CNTN6: variants seen among roughly 807,000 people sequenced by gnomAD.
CNTN6 encodes the protein contactin 6, also known as contactin-6.
Under a neutral mutation model 122.8 loss-of-function variants are expected in CNTN6, and 137 were observed. That is an observed-to-expected ratio of 1.12 (90% CI 0.97 to 1.29). CNTN6 has a LOEUF of 1.29. Ranked by LOEUF, CNTN6 falls within the 50% of genes most tolerant of loss-of-function variation. The pLI, the probability that CNTN6 is intolerant of heterozygous loss-of-function variation, is 0.00. For synonymous variants in CNTN6, 570 were observed against 426.0 expected (o/e 1.34, Z -4.16); for missense variants, 1,634 against 1,223.4 (o/e 1.34, Z -5.01).
At chr3:1,384,471 CTATGAAGAA>C (rs2126186784) in intron 19 of CNTN6, among the ~76,000 whole-genome samples, 1 of 142,346 alleles carries the variant, frequency 7.0e-6, no homozygotes, top group African/African-American at 3.1e-5. Flanking sequence ...TATTTTTAGT[CTATGAAGAA>C]TAAGGCAAAT....
rs73819704 is a variant in CNTN6 at position 1,325,108 on chromosome 3, A to T, written c.947-707A>T. Among the ~76,000 whole-genome samples, 932 of 151,906 alleles carry T rather than the reference A, an allele frequency of 6.1e-3. 8 individuals are homozygous for T. The highest frequency in any genetic ancestry group is 0.021 in the African/African-American group (884 of 41,460). On this transcript the variant is annotated intron_variant, in intron 8 of 22. Coordinates refer to ENST00000446702, the MANE Select transcript of CNTN6 (RefSeq NM_001289080.2). ...ATTTCCAACCCGCCTGTTTCCATGA[A>T]TGATGGTAAAAATAATACAATCTTA...
chr3:1,317,606 G>A (rs773217687), intron 7 of CNTN6, among the ~76,000 whole-genome samples: 10 of 151,600 alleles, frequency 6.6e-5, no homozygotes, highest in Non-Finnish European at 1.3e-4. Context: ...GAAAATTATT[G>A]ACTAGAATCT....
rs370568544 is a variant in CNTN6, at chr3:1,295,625, A to G, written c.479A>G (p.Asn160Ser). The change falls in exon 6 of 23, where the codon AAT (asparagine) becomes AGT (serine). Residue 160 changes from asparagine to serine, a missense_variant. Asn to Ser is a conservative substitution (Grantham distance 46, BLOSUM62 1). Transcript: ENST00000446702. The stretch of plus-strand genomic sequence containing the variant: ...GATTTATCTTATGCATGGACCTTCA[A>G]TGATAACCCCTTATACGTCCAAGAG... ...FGDLSYAWTF[N>S]DNPLYVQEDN... The G allele has an allele frequency of 1.7e-5, 27 of 1,613,712 alleles. No homozygotes were observed. Among genetic ancestry groups the G allele is most frequent in the African/African-American group, 2.7e-5 (2 of 74,924 alleles).
chr3:1,112,608 C>T (rs539227351), intron 1 of CNTN6, among the ~76,000 whole-genome samples: 1 of 152,232 alleles, frequency 6.6e-6, no homozygotes, highest in Admixed American at 6.5e-5. Flanking sequence ...ATTGTGCCCA[C>T]CCACTTTGAG....
intron 4 of CNTN6, among the ~76,000 whole-genome samples, chr3:1,276,953 A>G (rs3852025): frequency 0.11 from 16,810 of 152,146 alleles, 1,025 homozygotes; most frequent in Non-Finnish European, 0.14. Flanking sequence ...CAATTTGGCA[A>G]TTTAGGTGGG....
At position 1,219,945 on chromosome 3, in the gene CNTN6, T is replaced by C. The variant is rs191753575; in HGVS notation, c.56-742T>C. 1.8e-4 allele frequency among the ~76,000 whole-genome samples: 27 copies of C among 152,056 alleles called. No individual in the cohort carries two copies. In the East Asian group the frequency reaches 4.8e-3, roughly 27 times the overall value. On this transcript the variant is annotated intron_variant, in intron 2 of 22. Transcript: ENST00000446702. ...TGAGCCCAGGAGGTTGAGGCTGCAG[T>C]GAGCTGTGATTGTGCCACTGCAATT...
chr3:1,263,710 C>CT (rs1278369301), intron 4 of CNTN6, among the ~76,000 whole-genome samples: 1 of 151,982 alleles, frequency 6.6e-6, no homozygotes, highest in Non-Finnish European at 1.5e-5. Context: ...TGAATACCTG[C>CT]TTTTTGCAAA....
rs556644631 is a variant in CNTN6, at chr3:1,369,872, A to G, written c.1493-2427A>G. Among the ~76,000 whole-genome samples the G allele has an allele frequency of 2.2e-3, 327 of 151,072 alleles. 2 individuals carry two copies. Among genetic ancestry groups the G allele is most frequent in the African/African-American group, 7.6e-3 (312 of 41,176 alleles). On this transcript the variant is annotated intron_variant, in intron 12 of 22. Transcript: ENST00000446702. ...TTTTTTTTTTTTAAGGTTCAATCAC[A>G]CTTTATTCATTTATGTTTTTAAGTT...
At chr3:1,197,242 C>T (rs928828739) in intron 2 of CNTN6, among the ~76,000 whole-genome samples, 1 of 152,158 alleles carries the variant, frequency 6.6e-6, no homozygotes, top group Non-Finnish European at 1.5e-5. Flanking sequence ...AAGCAAGGTC[C>T]TGGTTTCTGA....
intron 1 of CNTN6, among the ~76,000 whole-genome samples, chr3:1,110,699 T>A (rs957454031): frequency 6.6e-6 from 1 of 151,926 alleles, no homozygotes; most frequent in Non-Finnish European, 1.5e-5. Flanking sequence ...AAAAAAAATA[T>A]GAGGAGCAGG....
At chr3:1,245,530 TGGG>T (rs1256859223) in intron 4 of CNTN6, among the ~76,000 whole-genome samples, 3 of 148,972 alleles carry the variant, frequency 2.0e-5, no homozygotes, top group African/African-American at 4.9e-5. Flanking sequence ...TTTTGGGGAT[TGGG>T]GGAAAGGGTG....
intron 2 of CNTN6, among the ~76,000 whole-genome samples, chr3:1,159,648 A>G (rs1180417674): frequency 2.0e-5 from 3 of 151,918 alleles, no homozygotes; most frequent in African/African-American, 7.2e-5. Flanking sequence ...ATACCTTAAT[A>G]TATTTATCTA....
At chr3:1,323,889 A>ATGGCACCTCCAGGCAGTTTCCAGTC (rs1701189775) in intron 8 of CNTN6, among the ~76,000 whole-genome samples, 2 of 150,658 alleles carry the variant, frequency 1.3e-5, no homozygotes, top group Admixed American at 6.6e-5. Flanking sequence ...CACGTTGAAT[A>ATGGCACCTCCAGGCAGTTTCCAGTC]AATAAATGTG....
At chr3:1,284,985 A>C (rs1051902566) in intron 5 of CNTN6, among the ~76,000 whole-genome samples, 1 of 152,192 alleles carries the variant, frequency 6.6e-6, no homozygotes, top group African/African-American at 2.4e-5. Context: ...TCCTGGGAGT[A>C]AGATGAAAAT....
chr3:1,156,508 T>C (rs1194430891), intron 2 of CNTN6, among the ~76,000 whole-genome samples: 1 of 152,234 alleles, frequency 6.6e-6, no homozygotes, highest in African/African-American at 2.4e-5. Context: ...AACTAGTGCA[T>C]TCGAGTTTAT....
Position 1,304,289 on chromosome 3 carries a change from T to A in CNTN6, c.761+6298T>A, listed in dbSNP as rs979980167. On this transcript the variant is annotated intron_variant, in intron 7 of 22. Transcript: ENST00000446702. ...TGTTCAAGTTCCAGAAAGAGGTTTT[T>A]TTTTTCCATATATTTGTCTAGTTTT... Among the ~76,000 whole-genome samples, 8 of 109,538 alleles carry A rather than the reference T, an allele frequency of 7.3e-5. No homozygotes were observed. The South Asian group carries it at 2.9e-3, about 40-fold the overall frequency. The allele number at this position is 109,538 out of a possible 152,430, so 71.9% of individuals were successfully genotyped here. A position where few individuals can be genotyped will look rare whatever the true frequency, so the allele number is the denominator to read the frequency against.
At chr3:1,149,759 A>G (rs1464840682) in intron 2 of CNTN6, among the ~76,000 whole-genome samples, 1 of 152,152 alleles carries the variant, frequency 6.6e-6, no homozygotes, top group Non-Finnish European at 1.5e-5. Flanking sequence ...ATGTGTGAAT[A>G]AGAATTATAT....
In CNTN6 at chr3:1,336,892, C is replaced by T. The variant is rs572358654; in HGVS notation, c.1364+6957C>T. On this transcript the variant is annotated intron_variant, in intron 11 of 22. Coordinates refer to ENST00000446702, the MANE Select transcript of CNTN6 (RefSeq NM_001289080.2). Reference sequence around the variant, plus strand: ...AACTACACAAGGAAGGTATAAAGATCGTAGGGAAAGTGGAAAGTGGAAGAA... The same window carrying T: ...AACTACACAAGGAAGGTATAAAGATTGTAGGGAAAGTGGAAAGTGGAAGAA... Among the ~76,000 whole-genome samples the T allele has an allele frequency of 2.0e-5, 3 of 149,154 alleles. No individual in the cohort carries two copies. The East Asian group carries it at 5.8e-4, about 29-fold the overall frequency.
chr3:1,188,626 A>G (rs2125373433), intron 2 of CNTN6, among the ~76,000 whole-genome samples: 1 of 152,364 alleles, frequency 6.6e-6, no homozygotes, highest in East Asian at 1.9e-4. Context: ...CAAACCCAAC[A>G]ATAAATAATG....
Sources: allele counts gnomAD v4.1 joint callset (sites outside exome capture counted in the v4.1 genomes callset), GRCh38; gene constraint gnomAD v4.1.1; transcripts MANE v1.5; gene names NCBI Gene and HGNC (gene_info 2026-07-23, HGNC 2026-07-21).